The following ERBB4 variants were observed in gnomAD, a reference collection of about 807,000 sequenced individuals.
The protein encoded by ERBB4 is erb-b2 receptor tyrosine kinase 4.
A neutral mutation model predicts 158.0 loss-of-function variants in ERBB4; 42 were observed. The ratio of observed to expected loss-of-function variants is 0.27; its 90% CI spans 0.21 to 0.34. The LOEUF is 0.34. Ranked by LOEUF, ERBB4 falls within the 10% of genes least tolerant of loss-of-function variation. The pLI is 1.00. For missense variants in ERBB4, 1,333 were observed against 1,624.1 expected (o/e 0.82, Z 3.08); for synonymous variants, 583 against 558.7 (o/e 1.04, Z -0.61).
At chr2:212,126,678 G>C (rs906333329) in intron 1 of ERBB4, among the ~76,000 whole-genome samples, 1 of 151,972 alleles carries the variant, frequency 6.6e-6, no homozygotes, top group African/African-American at 2.4e-5. Flanking sequence ...CTGAATTTAA[G>C]GCAAGATACA....
chr2:211,937,919 A>T (rs538451313), intron 3 of ERBB4, among the ~76,000 whole-genome samples: 47 of 152,278 alleles, frequency 3.1e-4, no homozygotes, highest in South Asian at 1.5e-3. Context: ...GGTGAAAGTA[A>T]AAAATTTCAT....
intron 2 of ERBB4, among the ~76,000 whole-genome samples, chr2:212,094,209 A>T (rs1233092579): frequency 2.0e-5 from 3 of 151,632 alleles, no homozygotes; most frequent in South Asian, 4.1e-4. Context: ...TCATGAGTTC[A>T]TGTGAGATAA....
chr2:211,977,531 T>TTAAAAAAA (rs1445827351), intron 2 of ERBB4, among the ~76,000 whole-genome samples: 1 of 67,594 alleles, frequency 1.5e-5, no homozygotes, highest in African/African-American at 4.9e-5. Context: ...ATATTGACTT[T>TTAAAAAAA]AAAAAAAAAA....
chr2:211,992,109 A>G (rs1353363231), intron 2 of ERBB4, among the ~76,000 whole-genome samples: 1 of 152,136 alleles, frequency 6.6e-6, no homozygotes, highest in Admixed American at 6.6e-5. Context: ...ATTTTCAGGT[A>G]TCTTTTCAGC....
At chr2:212,483,495 G>A (rs1027432657) in intron 1 of ERBB4, among the ~76,000 whole-genome samples, 7 of 152,144 alleles carry the variant, frequency 4.6e-5, no homozygotes, top group Middle Eastern at 3.4e-3. Context: ...AATTTCTTAC[G>A]TATTTGTACC....
chr2:211,989,452 A>T (rs1348519009), intron 2 of ERBB4, among the ~76,000 whole-genome samples: 1 of 151,936 alleles, frequency 6.6e-6, no homozygotes, highest in East Asian at 1.9e-4. Context: ...CTATGTTTCA[A>T]TAATTATAAT....
At chr2:212,022,396 G>A (rs540801153) in intron 2 of ERBB4, among the ~76,000 whole-genome samples, 1 of 152,216 alleles carries the variant, frequency 6.6e-6, no homozygotes, top group South Asian at 2.1e-4. Flanking sequence ...CGTGGATGAA[G>A]CTGGAAGCCA....
chr2:212,061,107 T>C (rs1433232895), intron 2 of ERBB4, among the ~76,000 whole-genome samples: 1 of 151,812 alleles, frequency 6.6e-6, no homozygotes, highest in Admixed American at 6.6e-5. Flanking sequence ...ACAGGTATGG[T>C]GTCGAAGTTC....
At position 211,808,678 on chromosome 2, in the gene ERBB4, G is replaced by A. The variant is rs932010188; in HGVS notation, c.422-20519C>T. 5.3e-5 allele frequency among the ~76,000 whole-genome samples: 8 copies of A among 152,172 alleles called. No individual in the cohort carries two copies. In the East Asian group the frequency reaches 1.5e-3, roughly 29 times the overall value. On this transcript the variant is annotated intron_variant, in intron 3 of 27. Coordinates refer to ENST00000342788, the MANE Select transcript of ERBB4 (RefSeq NM_005235.3). ...AGTTCTGTGAAGAAAGTCATTGGTA[G>A]CTTCATGGGGATGGCATTGAATCTA...
rs1217737208 is a variant in ERBB4, at chr2:212,003,189, G to GA, written c.235-55574dup. Among the ~76,000 whole-genome samples, 353 of 68,058 alleles carry GA rather than the reference G, an allele frequency of 5.2e-3. 11 individuals carry two copies. Among genetic ancestry groups the GA allele is most frequent in the Non-Finnish European group, 9.2e-3 (261 of 28,272 alleles). 44.6% of individuals were successfully genotyped at this position (68,058 alleles called of 152,430 possible). ...AGAAAGAAAGAAAGAAAGAAAGAAA[G>GA]AAAGAAAGAAAGAAAGACAGAAAGA... is the stretch of plus-strand genomic sequence containing the variant. On this transcript the variant is annotated intron_variant, in intron 2 of 27. Transcript: ENST00000342788.
At chr2:212,405,233 A>G (rs2091312717) in intron 1 of ERBB4, among the ~76,000 whole-genome samples, 1 of 152,128 alleles carries the variant, frequency 6.6e-6, no homozygotes, top group Admixed American at 6.6e-5. Flanking sequence ...AAGCATATGA[A>G]AAAAAATTTG....
chr2:212,313,566 A>G (rs893842362), intron 1 of ERBB4, among the ~76,000 whole-genome samples: 3 of 150,878 alleles, frequency 2.0e-5, no homozygotes, highest in African/African-American at 4.8e-5. Context: ...TGATATTAAA[A>G]TGTCTCAACT....
intron 1 of ERBB4, among the ~76,000 whole-genome samples, chr2:212,394,119 TAC>T: frequency 6.6e-6 from 1 of 152,154 alleles, no homozygotes; most frequent in East Asian, 1.9e-4. Context: ...TGAGTCCTTA[TAC>T]ATTTTTAAAT....
At chr2:212,028,449 T>A (rs976064731) in intron 2 of ERBB4, among the ~76,000 whole-genome samples, 2 of 152,150 alleles carry the variant, frequency 1.3e-5, no homozygotes, top group African/African-American at 4.8e-5. Flanking sequence ...GTTTGACTTT[T>A]AAGTTTCAGA....
intron 12 of ERBB4, 53 bp from the exon 13 acceptor site, chr2:211,679,237 T>C (rs1365574582): frequency 1.3e-6 from 2 of 1,597,984 alleles, no homozygotes; most frequent in Non-Finnish European, 1.7e-6. Context: ...TGTCAAAACT[T>C]AAAATCTTCC....
chr2:211,716,630 T>A (rs530577412), intron 7 of ERBB4, among the ~76,000 whole-genome samples: 278 of 151,730 alleles, frequency 1.8e-3, no homozygotes, highest in African/African-American at 6.3e-3. Context: ...GAGCCGAGAT[T>A]GCGCCACTGC....
At chr2:212,154,611 G>T (rs1337345735) in intron 1 of ERBB4, among the ~76,000 whole-genome samples, 1 of 152,028 alleles carries the variant, frequency 6.6e-6, no homozygotes. Context: ...TCCTTGATAT[G>T]CCGCCTGTCT....
At chr2:212,351,205 C>T (rs752861723) in intron 1 of ERBB4, among the ~76,000 whole-genome samples, 38 of 152,032 alleles carry the variant, frequency 2.5e-4, no homozygotes, top group Admixed American at 1.1e-3. Flanking sequence ...AGGGCAGAGA[C>T]CCTAGGAATG....
intron 2 of ERBB4, among the ~76,000 whole-genome samples, chr2:212,046,043 A>G (rs1521543): frequency 0.91 from 138,226 of 152,210 alleles, 64,149 homozygotes; most frequent in East Asian, 1. Flanking sequence ...ATGATCCACC[A>G]TTTGCCTCTG....
Sources: allele counts gnomAD v4.1 joint callset (sites outside exome capture counted in the v4.1 genomes callset), GRCh38; gene constraint gnomAD v4.1.1; transcripts MANE v1.5; gene names NCBI Gene and HGNC (gene_info 2026-07-23, HGNC 2026-07-21).